PCARE: variants seen among roughly 807,000 people sequenced by gnomAD.
PCARE encodes photoreceptor cilium actin regulator.
PCARE carries 72 observed loss-of-function variants against 82.2 expected under a neutral mutation model. That is an observed-to-expected ratio of 0.88 (90% CI 0.72 to 1.07). The LOEUF (loss-of-function observed/expected upper bound fraction) is 1.07. Ranked by LOEUF, PCARE falls within the 50% of genes least tolerant of loss-of-function variation. The pLI is 0.00. For synonymous variants in PCARE, 705 were observed against 634.8 expected (o/e 1.11, Z -1.66); for missense variants, 1,768 against 1,592.4 (o/e 1.11, Z -1.88).
rs886055912 is a variant in PCARE at position 29,062,106 on chromosome 2, T to C, written c.*2763A>G. 6.6e-6 allele frequency: 1 copy of C among 152,254 alleles called. No homozygotes were observed. Among genetic ancestry groups the C allele is most frequent in the East Asian group, 1.9e-4 (1 of 5,194 alleles). 9.4% of individuals were successfully genotyped at this position (152,254 alleles called of 1,614,324 possible). A position where few individuals can be genotyped will look rare whatever the true frequency, so the allele number is the denominator to read the frequency against. ...ATGTCGGCTCAGCACTGCTTCACCT[T>C]TGACCTAATTGACCCCCAGCCCCCA... On this transcript the variant is annotated 3_prime_UTR_variant, in exon 2 of 2. Coordinates refer to ENST00000331664, the MANE Select transcript of PCARE (RefSeq NM_001029883.3).
chr2:29,064,532 T>C lies in PCARE; in HGVS notation c.*337A>G. The C allele has an allele frequency of 2.1e-6, 1 of 469,044 alleles. No homozygotes were observed. Among genetic ancestry groups the C allele is most frequent in the Non-Finnish European group, 3.9e-6 (1 of 256,010 alleles). 29.1% of individuals were successfully genotyped at this position (469,044 alleles called of 1,614,324 possible). A position where few individuals can be genotyped will look rare whatever the true frequency, so the allele number is the denominator to read the frequency against. On this transcript the variant is annotated 3_prime_UTR_variant, in exon 2 of 2. Coordinates refer to ENST00000331664, the MANE Select transcript of PCARE (RefSeq NM_001029883.3). Reference sequence around the variant, plus strand: ...GTGAGGCTTAAGTGATCTCAAGGAATGAACCCAGTTAAAACCCTATCAAGC... The same window carrying C: ...GTGAGGCTTAAGTGATCTCAAGGAACGAACCCAGTTAAAACCCTATCAAGC...
chr2:29,067,183 C>T (rs573079518), intron 1 of PCARE, among the ~76,000 whole-genome samples: 2 of 152,216 alleles, frequency 1.3e-5, no homozygotes, highest in Non-Finnish European at 2.9e-5. Context: ...CTTGGGGAAA[C>T]AGCCCGTTCT....
At position 29,062,788 on chromosome 2, in the gene PCARE, T is replaced by G. The variant is rs1005288880; in HGVS notation, c.*2081A>C. 2.6e-5 allele frequency: 4 copies of G among 152,184 alleles called. No individual in the cohort carries two copies. Among genetic ancestry groups the G allele is most frequent in the Non-Finnish European group, 4.4e-5 (3 of 68,036 alleles). The allele number at this position is 152,184 out of a possible 1,614,324, so 9.4% of individuals were successfully genotyped here. A position where few individuals can be genotyped will look rare whatever the true frequency, so the allele number is the denominator to read the frequency against. On this transcript the variant is annotated 3_prime_UTR_variant, in exon 2 of 2. Coordinates refer to ENST00000331664, the MANE Select transcript of PCARE (RefSeq NM_001029883.3). Reference sequence around the variant, plus strand: ...GGAGTGGCTCCACTTCATATCCCGGTTCCAGTAATGAAAATGTGTATAATT... The same window carrying G: ...GGAGTGGCTCCACTTCATATCCCGGGTCCAGTAATGAAAATGTGTATAATT...
rs771726446 is a variant in PCARE at position 29,073,594 on chromosome 2, A to G, written c.668T>C (p.Leu223Pro). The G allele has an allele frequency of 1.2e-6, 2 of 1,614,214 alleles. No homozygotes were observed. Among genetic ancestry groups the G allele is most frequent in the East Asian group, 2.2e-5 (1 of 44,884 alleles). Residue 223 changes from leucine to proline, a missense_variant, in exon 1 of 2, where the codon CTG becomes CCG. Transcript: ENST00000331664. ...ELLQPMVSFL[L>P]LCFEEISQLL... is the part of the protein sequence containing the mutation. ...CTGGCTGATCTCCTCAAAGCACAGC[A>G]GCAAGAAGCTGACCATGGGCTGCAG...
chr2:29,074,326 G>A lies in PCARE; in HGVS notation c.-65C>T. On this transcript the variant is annotated 5_prime_UTR_variant, in exon 1 of 2. Coordinates refer to ENST00000331664, the MANE Select transcript of PCARE (RefSeq NM_001029883.3). ...TTTCCAAGAATCATATTTGAAATAG[G>A]AACAAAAGGCAATCTTACTAGTCCA... The A allele has an allele frequency of 1.1e-5, 17 of 1,495,236 alleles. No individual in the cohort carries two copies. Among genetic ancestry groups the A allele is most frequent in the Non-Finnish European group, 1.5e-5 (17 of 1,121,950 alleles). 92.6% of individuals were successfully genotyped at this position (1,495,236 alleles called of 1,614,324 possible). A position where few individuals can be genotyped will look rare whatever the true frequency, so the allele number is the denominator to read the frequency against.
intron 1 of PCARE, among the ~76,000 whole-genome samples, chr2:29,067,207 C>T (rs1226864024): frequency 2.0e-5 from 3 of 152,224 alleles, no homozygotes; most frequent in African/African-American, 7.2e-5. Flanking sequence ...CAGCCTCTGG[C>T]TTCCTGGCAC....
rs977190509 is a variant in PCARE at position 29,062,268 on chromosome 2, G to A, written c.*2601C>T. On this transcript the variant is annotated 3_prime_UTR_variant, in exon 2 of 2. Transcript: ENST00000331664. Reference sequence around the variant, plus strand: ...CTGCCTGGGTCTGGTGGCAGCTGGGGGCTTTTATGACATCGTGTGTGGGGA... The same window carrying A: ...CTGCCTGGGTCTGGTGGCAGCTGGGAGCTTTTATGACATCGTGTGTGGGGA... 1.3e-5 allele frequency: 2 copies of A among 152,276 alleles called. No individual in the cohort carries two copies. The highest frequency in any genetic ancestry group is 2.9e-5 in the Non-Finnish European group (2 of 68,140). 9.4% of individuals were successfully genotyped at this position (152,276 alleles called of 1,614,324 possible).
In PCARE at chr2:29,072,294, C is replaced by A. The variant is rs201980758; in HGVS notation, c.1968G>T (p.Arg656Ser). 293 of 1,614,220 alleles carry A rather than the reference C, an allele frequency of 1.8e-4. 1 individual carries two copies. Among genetic ancestry groups the A allele is most frequent in the Middle Eastern group, 1.5e-3 (9 of 6,062 alleles). ...TGCTGGTGGTGTTGCTTGGACTGAC[C>A]CTGCAGGTGCCATTGGGCCACACGG... is the stretch of plus-strand genomic sequence containing the variant. Reference protein sequence around the residue: ...AAAVWPNGTCRVSPSNTTSRL... With the variant: ...AAAVWPNGTCSVSPSNTTSRL... Residue 656 changes from arginine to serine, a missense_variant, in exon 1 of 2, where the codon AGG (arginine) becomes AGT (serine). Arg to Ser is a moderately radical substitution (Grantham distance 110). Transcript: ENST00000331664.
rs1236713028 is a variant in PCARE, at chr2:29,073,131, G to C, written c.1131C>G (p.Pro377=). 1.2e-6 allele frequency: 2 copies of C among 1,614,056 alleles called. No homozygotes were observed. Among genetic ancestry groups the C allele is most frequent in the African/African-American group, 1.3e-5 (1 of 74,988 alleles). The change falls in exon 1 of 2, where the codon CCC becomes CCG. Residue 377 remains proline (P), a synonymous_variant. Transcript: ENST00000331664. ...KQTSWDLAPE[P]EEWKSVTSPH... ...GTGAAGTCACCGACTTCCATTCTTC[G>C]GGCTCTGGTGCAAGGTCCCAGCTGG...
In PCARE at chr2:29,070,801, C is replaced by A; in HGVS notation, c.3461G>T (p.Gly1154Val). Reference sequence around the variant, plus strand: ...GCATTCTGCTGGGTTCCCGAGAGGGCCCCCAGCCTCTGGCGGCAGCGATGG... The same window carrying A: ...GCATTCTGCTGGGTTCCCGAGAGGGACCCCAGCCTCTGGCGGCAGCGATGG... ...TPPSLPPEAGGPLGNPAECWK... is the reference protein window; with the variant it reads ...TPPSLPPEAGVPLGNPAECWK... The change falls in exon 1 of 2, where the codon GGC (glycine) becomes GTC (valine). Residue 1154 changes from glycine (G) to valine (V), a missense_variant. By Grantham distance (109) the Gly-to-Val change is moderately radical. Coordinates refer to ENST00000331664, the MANE Select transcript of PCARE (RefSeq NM_001029883.3). The A allele has an allele frequency of 2.5e-6, 4 of 1,614,066 alleles. No individual in the cohort carries two copies. Among genetic ancestry groups the A allele is most frequent in the Middle Eastern group, 1.6e-4 (1 of 6,062 alleles).
In PCARE at chr2:29,072,226, C is replaced by A. The variant is rs1218144164; in HGVS notation, c.2036G>T (p.Ser679Ile). 1.9e-6 allele frequency: 3 copies of A among 1,614,244 alleles called. No individual in the cohort carries two copies. Among genetic ancestry groups the A allele is most frequent in the South Asian group, 2.2e-5 (2 of 91,082 alleles). The change falls in exon 1 of 2, where the codon AGT (serine) becomes ATT (isoleucine). Residue 679 changes from serine (S) to isoleucine (I), a missense_variant. Transcript: ENST00000331664. ...TTTCTGCAAGATGCTCTTGTCCTGA[C>A]TAGGCAAAATACTGAAGTTCTTGGT... is the stretch of plus-strand genomic sequence containing the variant. ...SLTKNFSILP[S>I]QDKSILQKCN...
At position 29,071,048 on chromosome 2, in the gene PCARE, TG is replaced by T; in HGVS notation, c.3213del (p.Ser1072AlafsTer41). ...GCTTCTGGGTGCTGGGTTGGGGGGC[TG>T]GGGACCTTGCACTGAGCAGGTGCAC... ...PESAPAQCKVPSPPTQHPEAS... is the reference protein window; with the variant it reads ...PESAPAQCKVXSPPTQHPEAS... On this transcript the variant is annotated frameshift_variant, in exon 1 of 2. Transcript: ENST00000331664. LOFTEE classifies it high-confidence loss of function. The T allele has an allele frequency of 2.2e-6, 2 of 899,616 alleles. No homozygotes were observed. Among genetic ancestry groups the T allele is most frequent in the Non-Finnish European group, 1.5e-6 (1 of 652,978 alleles). 55.7% of individuals were successfully genotyped at this position (899,616 alleles called of 1,614,324 possible).
At position 29,072,064 on chromosome 2, in the gene PCARE, T is replaced by C; in HGVS notation, c.2198A>G (p.Lys733Arg). The part of the protein sequence containing the change: ...RGCPTRTSVK[K>R]LIETFSPTES... ...CGTGGGACTGAAAGTTTCAATAAGCTTCTTGACGGATGTTCTGGTGGGACA... is the reference window on the plus strand; with the variant it reads ...CGTGGGACTGAAAGTTTCAATAAGCCTCTTGACGGATGTTCTGGTGGGACA... The change falls in exon 1 of 2, where the codon AAG (lysine) becomes AGG (arginine). Residue 733 changes from lysine (K) to arginine (R), a missense_variant. Physicochemically the swap from Lys to Arg is conservative, Grantham distance 26. Transcript: ENST00000331664. 1 of 1,614,224 alleles carries C rather than the reference T, an allele frequency of 6.2e-7. No homozygotes were observed. The highest frequency in any genetic ancestry group is 1.1e-5 in the South Asian group (1 of 91,088).
rs1667534341 is a variant in PCARE at position 29,073,566 on chromosome 2, C to T, written c.696G>A (p.Leu232=). ...CTCCATCCTTGGAGATCTCCCCCAACAGCTGGCTGATCTCCTCAAAGCACA... is the reference window on the plus strand; with the variant it reads ...CTCCATCCTTGGAGATCTCCCCCAATAGCTGGCTGATCTCCTCAAAGCACA... ...LLLCFEEISQ[L]LGEISKDGEV... is the part of the protein sequence containing the mutation. The change falls in exon 1 of 2, where the codon CTG becomes CTA. Residue 232 remains leucine (L), a synonymous_variant. Transcript: ENST00000331664. The T allele has an allele frequency of 6.2e-7, 1 of 1,614,242 alleles. No individual in the cohort carries two copies.
Position 29,071,202 on chromosome 2 carries a change from C to T in PCARE, c.3060G>A (p.Gln1020=), listed in dbSNP as rs1188657924. ...GCGTCTGCACAGCAGAGGGGCTTGG[C>T]TGGGCAGGTCTGTAAGAGGAGGGAA... is the stretch of plus-strand genomic sequence containing the variant. ...RSLPSSYRPA[Q]PSPSAVQTPP... Residue 1020 remains glutamine (Q), a synonymous_variant, in exon 1 of 2, where the codon CAG becomes CAA. Coordinates refer to ENST00000331664, the MANE Select transcript of PCARE (RefSeq NM_001029883.3). 4 of 1,600,486 alleles carry T rather than the reference C, an allele frequency of 2.5e-6. No homozygotes were observed. The highest frequency in any genetic ancestry group is 3.4e-6 in the Non-Finnish European group (4 of 1,173,326).
chr2:29,070,668 C>A lies in PCARE; in HGVS notation c.3594G>T (p.Gln1198His). 1 of 1,614,158 alleles carries A rather than the reference C, an allele frequency of 6.2e-7. No homozygotes were observed. Among genetic ancestry groups the A allele is most frequent in the Non-Finnish European group, 8.5e-7 (1 of 1,180,018 alleles). The change falls in exon 1 of 2, where the codon CAG becomes CAT. Residue 1198 changes from glutamine (Q) to histidine (H), a missense_variant. Transcript: ENST00000331664. The stretch of plus-strand genomic sequence containing the variant: ...TGGGAGGCTGCGGTCGGCCACCTGG[C>A]TGGCGGTCAGAAGCTGTCCTCCTGA... ...PFLRRTASDR[Q>H]PGGRPQPPTL...
Position 29,072,246 on chromosome 2 carries a change from C to T in PCARE, c.2016G>A (p.Lys672=), listed in dbSNP as rs749176404. 1.2e-6 allele frequency: 2 copies of T among 1,614,230 alleles called. No individual in the cohort carries two copies. The highest frequency in any genetic ancestry group is 1.7e-6 in the Non-Finnish European group (2 of 1,180,046). ...CCTGACTAGGCAAAATACTGAAGTT[C>T]TTGGTGAGGGATGCCTTGAGCCTGC... The part of the protein sequence containing the change: ...TTSRLKASLT[K]NFSILPSQDK... Residue 672 remains lysine, a synonymous_variant, in exon 1 of 2, where the codon AAG becomes AAA. Transcript: ENST00000331664.
rs779722667 is a variant in PCARE at position 29,073,695 on chromosome 2, G to A, written c.567C>T (p.Thr189=). ...ATTTGGAGAGGCTGGAGTGTAGATAGGTGTAAGCCTGCTGGTGGGCCTTTA... is the reference window on the plus strand; with the variant it reads ...ATTTGGAGAGGCTGGAGTGTAGATAAGTGTAAGCCTGCTGGTGGGCCTTTA... ...PLVKAHQQAY[T]YLHSSLSKYE... Residue 189 remains threonine, a synonymous_variant, in exon 1 of 2, where the codon ACC becomes ACT. Coordinates refer to ENST00000331664, the MANE Select transcript of PCARE (RefSeq NM_001029883.3). The A allele has an allele frequency of 3.1e-6, 5 of 1,612,894 alleles. No individual in the cohort carries two copies. Among genetic ancestry groups the A allele is most frequent in the Non-Finnish European group, 3.4e-6 (4 of 1,179,562 alleles).
At position 29,071,660 on chromosome 2, in the gene PCARE, C is replaced by T. The variant is rs772418027; in HGVS notation, c.2602G>A (p.Gly868Arg). Residue 868 changes from glycine (G) to arginine (R), a missense_variant, in exon 1 of 2, where the codon GGA becomes AGA. Gly to Arg is a moderately radical substitution (Grantham distance 125, BLOSUM62 -2). Coordinates refer to ENST00000331664, the MANE Select transcript of PCARE (RefSeq NM_001029883.3). ...GTTCTCCTGGTGGGGCCAGCCTCTC[C>T]CGGCCCTGGCTCCTGGGTTTCCTTG... ...SPKETQEPGP[G>R]EAGPTRRTWA... 1.5e-5 allele frequency: 24 copies of T among 1,613,888 alleles called. No homozygotes were observed. Among genetic ancestry groups the T allele is most frequent in the South Asian group, 9.9e-5 (9 of 91,064 alleles).
Sources: allele counts gnomAD v4.1 joint callset (sites outside exome capture counted in the v4.1 genomes callset), GRCh38; gene constraint gnomAD v4.1.1; transcripts MANE v1.5; gene names NCBI Gene and HGNC (gene_info 2026-07-23, HGNC 2026-07-21).